Variants in MAGI2 observed in about 807,000 individuals in gnomAD.
MAGI2 encodes the protein membrane associated guanylate kinase, WW and PDZ domain containing 2, also known as membrane-associated guanylate kinase, WW and PDZ domain-containing protein 2.
In MAGI2, 35 loss-of-function variants were observed where a neutral mutation model predicts 133.3. The observed-to-expected ratio is 0.26, with a 90% CI of 0.20 to 0.35. The LOEUF is 0.35. Among genes scored for constraint, MAGI2 ranks in the 10% least tolerant of loss-of-function variants. MAGI2 has a pLI of 1.00. For missense variants in MAGI2, 1,636 were observed against 1,863.4 expected, an observed-to-expected ratio of 0.88 and a Z score of 2.25; for synonymous variants, 729 against 710.6, an observed-to-expected ratio of 1.03 and a Z score of -0.41.
intron 21 of MAGI2, among the ~76,000 whole-genome samples, chr7:78,031,607 C>T (rs1404195452): frequency 6.6e-6 from 1 of 152,146 alleles, no homozygotes; most frequent in Non-Finnish European, 1.5e-5. Context: ...TTACTTTAAT[C>T]TTTAGAAGGC....
At chr7:78,863,002 C>G (rs181042440) in intron 2 of MAGI2, among the ~76,000 whole-genome samples, 2 of 152,302 alleles carry the variant, frequency 1.3e-5, no homozygotes, top group African/African-American at 4.8e-5. Flanking sequence ...TGTTTGCAGT[C>G]TGGAGTATTG....
rs1848706767 is a variant in MAGI2 at position 79,444,434 on chromosome 7, C to A, written c.301+8586G>T. Among the ~76,000 whole-genome samples, 3 of 152,296 alleles carry A rather than the reference C, an allele frequency of 2.0e-5. No individual in the cohort carries two copies. In the South Asian group the frequency reaches 6.2e-4, roughly 32 times the overall value. ...AAACCCCATCATCTCAGCCCAAAAT[C>A]TCCTTAAGCTGATAAGCAACTTCAG... On this transcript the variant is annotated intron_variant, in intron 1 of 21. Transcript: ENST00000354212.
chr7:79,378,922 GTGTGTATATATATATATATATA>G (rs1843562878), intron 1 of MAGI2, among the ~76,000 whole-genome samples: 1 of 63,470 alleles, frequency 1.6e-5, no homozygotes, highest in Non-Finnish European at 3.2e-5. Flanking sequence ...ATATATGTGT[GTGTGTATATATATATATATATA>G]TATATATATA....
At chr7:78,299,901 A>G (rs758871933) in intron 9 of MAGI2, among the ~76,000 whole-genome samples, 6 of 152,206 alleles carry the variant, frequency 3.9e-5, no homozygotes, top group Non-Finnish European at 7.3e-5. Flanking sequence ...CATCAATCAA[A>G]AAAGTATGGA....
At chr7:79,166,724 A>T (rs2129548176) in intron 1 of MAGI2, among the ~76,000 whole-genome samples, 1 of 152,222 alleles carries the variant, frequency 6.6e-6, no homozygotes, top group Admixed American at 6.5e-5. Flanking sequence ...TAGATAATTC[A>T]GTTTAAATTT....
chr7:78,444,753 ATGTATGTGTTTG>A (rs6150178), intron 6 of MAGI2, among the ~76,000 whole-genome samples: 114,329 of 149,650 alleles, frequency 0.76, 44,221 homozygotes, highest in East Asian at 0.89. Context: ...CTCAATTTAT[ATGTATGTGTTTG>A]TGTATGTGTA....
chr7:78,395,521 G>C (rs1272393414), intron 6 of MAGI2, among the ~76,000 whole-genome samples: 1 of 152,162 alleles, frequency 6.6e-6, no homozygotes, highest in Non-Finnish European at 1.5e-5. Context: ...AGCAGGCTGA[G>C]GGGGTAGTCT....
chr7:78,262,367 T>C (rs963611992), intron 9 of MAGI2, among the ~76,000 whole-genome samples: 2 of 152,288 alleles, frequency 1.3e-5, no homozygotes, highest in Non-Finnish European at 2.9e-5. Context: ...TTCTCAATAA[T>C]TTTCTATGTA....
At chr7:78,596,329 G>T (rs1276070245) in intron 3 of MAGI2, among the ~76,000 whole-genome samples, 1 of 152,120 alleles carries the variant, frequency 6.6e-6, no homozygotes, top group East Asian at 1.9e-4. Flanking sequence ...ATGAAGTGTA[G>T]TTCCTTTTTA....
intron 4 of MAGI2, among the ~76,000 whole-genome samples, chr7:78,508,242 C>T (rs1461377219): frequency 2.6e-5 from 4 of 151,270 alleles, no homozygotes. Flanking sequence ...ATCTGAGATA[C>T]TGGGGGTTTG....
intron 6 of MAGI2, among the ~76,000 whole-genome samples, chr7:78,426,820 G>C (rs1435082986): frequency 1.3e-5 from 2 of 152,016 alleles, no homozygotes; most frequent in Non-Finnish European, 2.9e-5. Flanking sequence ...TCTAACCTAG[G>C]CACATGATGA....
chr7:78,470,570 A>T (rs758263652), intron 6 of MAGI2, among the ~76,000 whole-genome samples: 1 of 152,168 alleles, frequency 6.6e-6, no homozygotes, highest in Non-Finnish European at 1.5e-5. Flanking sequence ...CTGATGTAAC[A>T]TAATTAATGC....
At chr7:79,428,451 C>T (rs1847547663) in intron 1 of MAGI2, among the ~76,000 whole-genome samples, 1 of 152,062 alleles carries the variant, frequency 6.6e-6, no homozygotes, top group South Asian at 2.1e-4. Flanking sequence ...ACCTTCATGA[C>T]CACTGTTGAG....
At chr7:78,899,057 T>C (rs1797416942) in intron 2 of MAGI2, among the ~76,000 whole-genome samples, 1 of 152,180 alleles carries the variant, frequency 6.6e-6, no homozygotes, top group Non-Finnish European at 1.5e-5. Flanking sequence ...TCTGGAGAGC[T>C]GGCTTCTCCA....
intron 1 of MAGI2, among the ~76,000 whole-genome samples, chr7:79,349,231 C>T (rs1010124376): frequency 2.0e-5 from 3 of 151,870 alleles, no homozygotes; most frequent in African/African-American, 7.2e-5. Context: ...GTAGAAAAGG[C>T]TTAGGGATTT....
intron 3 of MAGI2, among the ~76,000 whole-genome samples, chr7:78,539,378 T>C (rs1303966121): frequency 1.3e-5 from 2 of 152,212 alleles, no homozygotes. Context: ...TTGATCTTGG[T>C]GGATTACCTT....
chr7:78,665,992 A>G (rs1175752743), intron 2 of MAGI2, among the ~76,000 whole-genome samples: 1 of 152,174 alleles, frequency 6.6e-6, no homozygotes, highest in Admixed American at 6.6e-5. Context: ...AAGGACAACC[A>G]ACCCTGTTCG....
chr7:79,029,472 C>G (rs1354547423), intron 1 of MAGI2, among the ~76,000 whole-genome samples: 1 of 152,018 alleles, frequency 6.6e-6, no homozygotes, highest in Admixed American at 6.6e-5. Flanking sequence ...AGTTTCATAG[C>G]TATCATTATA....
At chr7:78,700,010 T>C (rs1034226177) in intron 2 of MAGI2, among the ~76,000 whole-genome samples, 2 of 152,172 alleles carry the variant, frequency 1.3e-5, no homozygotes, top group Non-Finnish European at 2.9e-5. Context: ...ATAGAAATTA[T>C]GAAGCAAATC....
Sources: gnomAD v4.1 joint callset for allele counts (sites outside exome capture counted in the v4.1 genomes callset) on GRCh38, gnomAD v4.1.1 for gene constraint, MANE v1.5 for transcripts, NCBI Gene and HGNC (gene_info 2026-07-23, HGNC 2026-07-21) for gene names.